The following FAM13A variants were observed in gnomAD, a reference collection of about 807,000 sequenced individuals.
FAM13A encodes protein FAM13A.
In FAM13A, 76 loss-of-function variants were observed where a neutral mutation model predicts 129.6. The observed-to-expected ratio is 0.59, with a 90% CI of 0.49 to 0.71. FAM13A has a LOEUF of 0.71. Among genes scored for constraint, FAM13A ranks in the 30% least tolerant of loss-of-function variants. The pLI is 0.00. For synonymous variants in FAM13A, 443 were observed against 449.9 expected (o/e 0.98, Z 0.20); for missense variants, 1,108 against 1,249.3 (o/e 0.89, Z 1.70).
chr4:88,909,002 AT>A (rs764391839), intron 5 of FAM13A, among the ~76,000 whole-genome samples: 4 of 152,344 alleles, frequency 2.6e-5, no homozygotes, highest in Non-Finnish European at 5.9e-5. Flanking sequence ...AACTTAATGT[AT>A]TCTTTTAAAA....
intron 6 of FAM13A, among the ~76,000 whole-genome samples, chr4:88,893,363 G>A (rs906513118): frequency 1.3e-5 from 2 of 152,196 alleles, no homozygotes; most frequent in East Asian, 1.9e-4. Flanking sequence ...AGTGGCTCAC[G>A]CCTTTAATCC....
chr4:89,024,049 G>C (rs1172491023), intron 2 of FAM13A, among the ~76,000 whole-genome samples: 1 of 152,066 alleles, frequency 6.6e-6, no homozygotes, highest in Non-Finnish European at 1.5e-5. Flanking sequence ...ACTTAATAGT[G>C]GTTTAGAAAT....
At chr4:88,941,104 G>A (rs890143725) in intron 4 of FAM13A, among the ~76,000 whole-genome samples, 2 of 152,128 alleles carry the variant, frequency 1.3e-5, no homozygotes, top group Admixed American at 6.5e-5. Flanking sequence ...AAAATCATAG[G>A]AGACCATTGT....
chr4:88,865,957 T>C (rs1211582432), intron 6 of FAM13A, among the ~76,000 whole-genome samples: 1 of 142,534 alleles, frequency 7.0e-6, no homozygotes, highest in Non-Finnish European at 1.5e-5. Context: ...TGGCACAGTC[T>C]GCCTCCTGGG....
At chr4:89,052,241 T>C (rs1017926904) in intron 1 of FAM13A, among the ~76,000 whole-genome samples, 3 of 144,474 alleles carry the variant, frequency 2.1e-5, no homozygotes, top group Non-Finnish European at 3.0e-5. Context: ...AAGGAGGTTC[T>C]GGGCAGCGCT....
intron 4 of FAM13A, among the ~76,000 whole-genome samples, chr4:88,952,825 G>T (rs1757150742): frequency 6.6e-6 from 1 of 152,058 alleles, no homozygotes; most frequent in African/African-American, 2.4e-5. Context: ...ACGCACATCT[G>T]TAATCCCAGC....
intron 5 of FAM13A, among the ~76,000 whole-genome samples, chr4:88,917,439 C>T (rs1329732412): frequency 6.6e-6 from 1 of 152,104 alleles, no homozygotes; most frequent in Admixed American, 6.6e-5. Flanking sequence ...GACCAAGTAT[C>T]CACATGAGAT....
chr4:89,018,814 A>C (rs1471960488), intron 3 of FAM13A, among the ~76,000 whole-genome samples: 1 of 152,244 alleles, frequency 6.6e-6, no homozygotes, highest in Admixed American at 6.5e-5. Flanking sequence ...CTCGTCAAAG[A>C]GTCTAACACA....
chr4:88,794,765 T>C (rs573963129), intron 8 of FAM13A, among the ~76,000 whole-genome samples: 21 of 151,986 alleles, frequency 1.4e-4, no homozygotes, highest in Admixed American at 2.6e-4. Flanking sequence ...AAGACAATTA[T>C]GAGATGTTCG....
chr4:88,818,037 G>A (rs1425419104), intron 7 of FAM13A, among the ~76,000 whole-genome samples: 3 of 152,190 alleles, frequency 2.0e-5, no homozygotes, highest in Admixed American at 6.5e-5. Flanking sequence ...AGACTGGAGT[G>A]CAGTGGCATG....
At chr4:89,039,518 G>A (rs542740414) in intron 1 of FAM13A, among the ~76,000 whole-genome samples, 6 of 152,276 alleles carry the variant, frequency 3.9e-5, no homozygotes, top group African/African-American at 1.4e-4. Context: ...GGGAAGTAAG[G>A]ACAAAGAATT....
chr4:88,841,760 G>A (rs1296205711), intron 7 of FAM13A, among the ~76,000 whole-genome samples: 1 of 152,226 alleles, frequency 6.6e-6, no homozygotes, highest in South Asian at 2.1e-4. Context: ...AAAACAGATG[G>A]TAACAATTGT....
intron 4 of FAM13A, among the ~76,000 whole-genome samples, chr4:88,973,357 T>C (rs927339920): frequency 6.6e-6 from 1 of 152,196 alleles, no homozygotes; most frequent in African/African-American, 2.4e-5. Context: ...ATTTTTTCTC[T>C]TCACTTTTCA....
chr4:88,944,769 G>C (rs985149654), intron 4 of FAM13A, among the ~76,000 whole-genome samples: 6 of 152,244 alleles, frequency 3.9e-5, no homozygotes, highest in African/African-American at 1.4e-4. Flanking sequence ...TGGGCATGGT[G>C]GTGGGTGCCT....
At position 88,731,990 on chromosome 4, in the gene FAM13A, A is replaced by G. The variant is rs774068595; in HGVS notation, c.2843+12T>C. On this transcript the variant is annotated intron_variant, in intron 22 of 23. Transcript: ENST00000264344. ...ACCAAAACATTTCACCACCACCACC[A>G]AAATGACATACATTGAGGCAGCATG... The G allele has an allele frequency of 6.3e-7, 1 of 1,587,530 alleles. No homozygotes were observed. Among genetic ancestry groups the G allele is most frequent in the South Asian group, 1.1e-5 (1 of 87,260 alleles).
intron 6 of FAM13A, among the ~76,000 whole-genome samples, chr4:88,872,495 T>C (rs1005548514): frequency 3.3e-5 from 5 of 152,094 alleles, no homozygotes; most frequent in African/African-American, 4.8e-5. Context: ...TCCTAGTCTC[T>C]GATAAAACAG....
chr4:88,944,036 T>C (rs1280486836), intron 4 of FAM13A, among the ~76,000 whole-genome samples: 1 of 152,218 alleles, frequency 6.6e-6, no homozygotes, highest in Non-Finnish European at 1.5e-5. Flanking sequence ...TGTTTTATTT[T>C]TACAGCACTA....
In FAM13A at chr4:88,726,455, A is replaced by G. The variant is rs1736494767; in HGVS notation, c.*2078T>C. The G allele has an allele frequency of 6.6e-6, 1 of 152,632 alleles. No individual in the cohort carries two copies. The highest frequency in any genetic ancestry group is 2.4e-5 in the African/African-American group (1 of 41,454). 9.5% of individuals were successfully genotyped at this position (152,632 alleles called of 1,614,324 possible). On this transcript the variant is annotated 3_prime_UTR_variant, in exon 24 of 24. Transcript: ENST00000264344. ...TCTTTAGTTAATTTACCTTTGGCAG[A>G]AACAACAGATTCCAAAACAATTAGT... is the stretch of plus-strand genomic sequence containing the variant.
At chr4:88,951,678 C>A (rs1756975621) in intron 4 of FAM13A, among the ~76,000 whole-genome samples, 1 of 152,194 alleles carries the variant, frequency 6.6e-6, no homozygotes, top group African/African-American at 2.4e-5. Flanking sequence ...TCTTTACTTA[C>A]TAAATCCTAC....
Sources: gnomAD v4.1 joint callset for allele counts (sites outside exome capture counted in the v4.1 genomes callset) on GRCh38, gnomAD v4.1.1 for gene constraint, MANE v1.5 for transcripts, NCBI Gene and HGNC (gene_info 2026-07-23, HGNC 2026-07-21) for gene names.